GRIK2: variants seen among roughly 807,000 people sequenced by gnomAD.
The protein encoded by GRIK2 is glutamate ionotropic receptor kainate type subunit 2, also known as glutamate receptor ionotropic, kainate 2.
A neutral mutation model predicts 100.3 loss-of-function variants in GRIK2; 32 were observed. The observed-to-expected ratio is 0.32, with a 90% CI of 0.24 to 0.43. GRIK2 has a LOEUF of 0.43. GRIK2 is among the 20% of genes least tolerant of loss of function. GRIK2 has a pLI of 1.00. For synonymous variants in GRIK2, 417 were observed against 389.4 expected, an observed-to-expected ratio of 1.07 and a Z score of -0.83; for missense variants, 843 against 1,114.9, an observed-to-expected ratio of 0.76 and a Z score of 3.47.
chr6:101,477,027 G>A (rs1047318211), intron 2 of GRIK2, among the ~76,000 whole-genome samples: 1 of 152,080 alleles, frequency 6.6e-6, no homozygotes, highest in African/African-American at 2.4e-5. Context: ...TTAAAGTTTT[G>A]TGCATTTTTA....
intron 14 of GRIK2, among the ~76,000 whole-genome samples, chr6:101,936,656 A>C (rs1329145600): frequency 6.6e-6 from 1 of 152,074 alleles, no homozygotes; most frequent in Non-Finnish European, 1.5e-5. Flanking sequence ...AACCAACACC[A>C]TTTTACTATG....
intron 14 of GRIK2, among the ~76,000 whole-genome samples, chr6:102,021,057 T>A (rs1435768343): frequency 6.6e-6 from 1 of 151,844 alleles, no homozygotes; most frequent in Non-Finnish European, 1.5e-5. Flanking sequence ...ATATGGGAAG[T>A]AAAGATGGTA....
chr6:101,564,496 C>G (rs1777160124), intron 2 of GRIK2, among the ~76,000 whole-genome samples: 1 of 152,150 alleles, frequency 6.6e-6, no homozygotes, highest in Non-Finnish European at 1.5e-5. Flanking sequence ...AACCTGAATT[C>G]AAGTTGCTCA....
intron 12 of GRIK2, among the ~76,000 whole-genome samples, chr6:101,912,946 TTTTG>T (rs1425804721): frequency 6.6e-6 from 1 of 151,550 alleles, no homozygotes; most frequent in East Asian, 1.9e-4. Context: ...CATTCTGATA[TTTTG>T]TTTATTTTTC....
chr6:101,721,320 C>T (rs1004182180), intron 7 of GRIK2, among the ~76,000 whole-genome samples: 6 of 151,794 alleles, frequency 4.0e-5, no homozygotes, highest in Non-Finnish European at 8.8e-5. Flanking sequence ...TTTGGGAGGC[C>T]GAGATGGGCA....
intron 10 of GRIK2, among the ~76,000 whole-genome samples, chr6:101,853,971 T>C (rs923280813): frequency 6.6e-6 from 1 of 152,150 alleles, no homozygotes; most frequent in Admixed American, 6.5e-5. Context: ...ATTTAGGGCA[T>C]TGAAACTATT....
chr6:101,737,393 A>G (rs1434602471), intron 7 of GRIK2, among the ~76,000 whole-genome samples: 2 of 152,252 alleles, frequency 1.3e-5, no homozygotes, highest in African/African-American at 4.8e-5. Flanking sequence ...ATAGTTCCAC[A>G]TGGCTGGGGA....
At position 101,537,455 on chromosome 6, in the gene GRIK2, CGTGT is replaced by C. The variant is rs559277470; in HGVS notation, c.116-84475_116-84472del. On this transcript the variant is annotated intron_variant, in intron 2 of 16. Coordinates refer to ENST00000369134, the MANE Select transcript of GRIK2 (RefSeq NM_021956.5). ...GTGTGTGTGTGTTTGTGTGTGTGTG[CGTGT>C]GTGTGTGTGTGTGTGTGTTTAAGCA... Among the ~76,000 whole-genome samples, 229 of 130,600 alleles carry C rather than the reference CGTGT, an allele frequency of 1.8e-3. 3 individuals carry two copies. The East Asian group carries it at 0.048, about 27-fold the overall frequency. 85.7% of individuals were successfully genotyped at this position (130,600 alleles called of 152,430 possible). A position where few individuals can be genotyped will look rare whatever the true frequency, so the allele number is the denominator to read the frequency against.
At chr6:101,893,306 A>T (rs1441127932) in intron 12 of GRIK2, among the ~76,000 whole-genome samples, 2 of 151,578 alleles carry the variant, frequency 1.3e-5, no homozygotes, top group Non-Finnish European at 3.0e-5. Flanking sequence ...ATTCTTAAGT[A>T]TGTATTTTAT....
chr6:101,781,952 C>T (rs1452253928), intron 7 of GRIK2, among the ~76,000 whole-genome samples: 2 of 152,056 alleles, frequency 1.3e-5, no homozygotes, highest in African/African-American at 4.8e-5. Context: ...GTTTTGGACA[C>T]CCAACTTCTC....
At chr6:101,613,678 G>A (rs1195256771) in intron 2 of GRIK2, among the ~76,000 whole-genome samples, 1 of 150,990 alleles carries the variant, frequency 6.6e-6, no homozygotes, top group African/African-American at 2.4e-5. Context: ...TTAACTTATG[G>A]AGCTGGCCAC....
chr6:101,817,719 A>G (rs1046801482), intron 9 of GRIK2, among the ~76,000 whole-genome samples: 6 of 152,228 alleles, frequency 3.9e-5, no homozygotes, highest in African/African-American at 1.2e-4. Flanking sequence ...CTATCAGAAG[A>G]TATTAGTTAA....
chr6:101,493,256 G>A (rs191423077), intron 2 of GRIK2, among the ~76,000 whole-genome samples: 80 of 152,072 alleles, frequency 5.3e-4, no homozygotes, highest in Admixed American at 1.0e-3. Flanking sequence ...ATCAAAAGGC[G>A]CAAATTCTCA....
At chr6:101,750,439 A>G (rs117281435) in intron 7 of GRIK2, among the ~76,000 whole-genome samples, 2,101 of 152,228 alleles carry the variant, frequency 0.014, 25 homozygotes, top group Non-Finnish European at 0.021. Context: ...AAACCATTCA[A>G]TCATACTCAT....
rs1772175339 is a variant in GRIK2 at position 102,069,713 on chromosome 6, TA to T, written c.*1203del. ...AGTTTTTGTATGGAAATTTTTGTAA[TA>T]CTTTTTATCAACAAAACAAGAACAT... On this transcript the variant is annotated 3_prime_UTR_variant, in exon 17 of 17. Coordinates refer to ENST00000369134, the MANE Select transcript of GRIK2 (RefSeq NM_021956.5). 1 of 152,076 alleles carries T rather than the reference TA, an allele frequency of 6.6e-6. No homozygotes were observed. The highest frequency in any genetic ancestry group is 2.1e-4 in the South Asian group (1 of 4,836). 9.4% of individuals were successfully genotyped at this position (152,076 alleles called of 1,614,324 possible).
At chr6:101,595,716 G>GTATATATATATATATATATA (rs751726535) in intron 2 of GRIK2, among the ~76,000 whole-genome samples, 44 of 133,776 alleles carry the variant, frequency 3.3e-4, no homozygotes, top group African/African-American at 1.1e-3. Flanking sequence ...GTGTGTGTGT[G>GTATATATATATATATATATA]TGTATATATA....
chr6:101,969,000 A>T (rs1792872721), intron 14 of GRIK2, among the ~76,000 whole-genome samples: 1 of 152,042 alleles, frequency 6.6e-6, no homozygotes, highest in South Asian at 2.1e-4. Context: ...ATGACAATAA[A>T]TTTTAAGTAA....
intron 14 of GRIK2, among the ~76,000 whole-genome samples, chr6:101,956,163 A>G (rs1460404218): frequency 6.6e-6 from 1 of 152,090 alleles, no homozygotes; most frequent in Non-Finnish European, 1.5e-5. Context: ...TTACTAACGC[A>G]TTTTAAATTT....
intron 7 of GRIK2, among the ~76,000 whole-genome samples, chr6:101,769,802 A>T (rs9386291): frequency 0.16 from 24,035 of 152,166 alleles, 2,985 homozygotes; most frequent in East Asian, 0.65. Flanking sequence ...ACGTCAAAGT[A>T]AACTATGCAC....
Sources: allele counts gnomAD v4.1 joint callset (sites outside exome capture counted in the v4.1 genomes callset), GRCh38; gene constraint gnomAD v4.1.1; transcripts MANE v1.5; gene names NCBI Gene and HGNC (gene_info 2026-07-23, HGNC 2026-07-21).